The following ADK variants were observed in gnomAD, a reference collection of about 807,000 sequenced individuals.
ADK encodes the protein adenosine kinase, also known as N6,N6-dimethyladenosine kinase.
Under a neutral mutation model 44.7 loss-of-function variants are expected in ADK, and 24 were observed. That is an observed-to-expected ratio of 0.54 (90% CI 0.39 to 0.76). The LOEUF (loss-of-function observed/expected upper bound fraction) is 0.76. Among genes scored for constraint, ADK ranks in the 30% least tolerant of loss-of-function variants. The probability of loss-of-function intolerance (pLI) is 0.00; values close to 1 mark genes in which losing one functional copy is unlikely to be tolerated. For synonymous variants in ADK, 128 were observed against 142.6 expected (o/e 0.90, Z 0.73); for missense variants, 321 against 425.1 (o/e 0.76, Z 2.15).
At chr10:74,552,527 T>G (rs1053354853) in intron 7 of ADK, among the ~76,000 whole-genome samples, 1 of 152,046 alleles carries the variant, frequency 6.6e-6, no homozygotes, top group African/African-American at 2.4e-5. Flanking sequence ...TGTGGTGATG[T>G]TTGCACAAAA....
chr10:74,578,920 C>T (rs1448838846), intron 7 of ADK, among the ~76,000 whole-genome samples: 1 of 152,084 alleles, frequency 6.6e-6, no homozygotes, highest in Admixed American at 6.5e-5. Flanking sequence ...ATGGTGGCTA[C>T]ATCTTAGCCA....
intron 6 of ADK, among the ~76,000 whole-genome samples, chr10:74,493,964 A>T (rs571211432): frequency 6.6e-6 from 1 of 152,246 alleles, no homozygotes; most frequent in East Asian, 1.9e-4. Flanking sequence ...TATGATATGC[A>T]GTACTTTAAA....
chr10:74,310,067 G>A (rs1447727333), intron 3 of ADK, among the ~76,000 whole-genome samples: 1 of 151,812 alleles, frequency 6.6e-6, no homozygotes, highest in African/African-American at 2.4e-5. Flanking sequence ...AATTAATATA[G>A]TAGGCTTGTG....
intron 6 of ADK, among the ~76,000 whole-genome samples, chr10:74,480,185 T>G (rs1314789487): frequency 6.6e-6 from 1 of 151,600 alleles, no homozygotes; most frequent in Non-Finnish European, 1.5e-5. Context: ...TGTTTTGCTC[T>G]TGAAGTCTAA....
chr10:74,477,342 T>G (rs1846891089), intron 6 of ADK, among the ~76,000 whole-genome samples: 1 of 152,022 alleles, frequency 6.6e-6, no homozygotes, highest in Non-Finnish European at 1.5e-5. Flanking sequence ...GTAGCTGGGT[T>G]TACGGGTGCA....
chr10:74,392,601 C>T (rs1043284505), intron 4 of ADK, among the ~76,000 whole-genome samples: 1 of 151,888 alleles, frequency 6.6e-6, no homozygotes, highest in Middle Eastern at 3.4e-3. Context: ...CCTTTTCACT[C>T]TGTTGATTGC....
intron 3 of ADK, among the ~76,000 whole-genome samples, chr10:74,235,730 A>T (rs960984759): frequency 2.0e-5 from 3 of 152,122 alleles, no homozygotes; most frequent in Admixed American, 6.6e-5. Flanking sequence ...TCTTTCTGCT[A>T]TGGTTTGAAT....
chr10:74,333,977 CT>C (rs1251254414), intron 4 of ADK, among the ~76,000 whole-genome samples: 1 of 151,732 alleles, frequency 6.6e-6, no homozygotes, highest in African/African-American at 2.4e-5. Context: ...TCAAAAAATA[CT>C]TTTTTTCAAA....
intron 6 of ADK, among the ~76,000 whole-genome samples, chr10:74,501,980 A>C (rs1847900292): frequency 6.6e-6 from 1 of 152,060 alleles, no homozygotes; most frequent in Admixed American, 6.6e-5. Context: ...ATTTTACCTC[A>C]ATTTTTTAAA....
chr10:74,391,650 TATACACACACACACACACAC>T lies in ADK; in HGVS notation c.274-2489_274-2470del, dbSNP rs1168949176. On this transcript the variant is annotated intron_variant, in intron 4 of 10. Coordinates refer to ENST00000539909, the MANE Select transcript of ADK (RefSeq NM_006721.4). ...TGAATTCAGGAGTTCGAGGCAAGAA[TATACACACACACACACACAC>T]ACACACACACACACACACACACACA... Among the ~76,000 whole-genome samples, 22 of 134,734 alleles carry T rather than the reference TATACACACACACACACACAC, an allele frequency of 1.6e-4. No homozygotes were observed. The South Asian group carries it at 1.7e-3, about 10-fold the overall frequency. 88.4% of individuals were successfully genotyped at this position (134,734 alleles called of 152,430 possible). A position where few individuals can be genotyped will look rare whatever the true frequency, so the allele number is the denominator to read the frequency against.
At chr10:74,323,595 G>T (rs1840891975) in intron 4 of ADK, among the ~76,000 whole-genome samples, 1 of 150,182 alleles carries the variant, frequency 6.7e-6, no homozygotes, top group African/African-American at 2.4e-5. Context: ...TTTTGAGATG[G>T]AGTCTCGCAC....
At chr10:74,187,519 CTT>C (rs924268769) in intron 1 of ADK, among the ~76,000 whole-genome samples, 4 of 151,706 alleles carry the variant, frequency 2.6e-5, no homozygotes, top group East Asian at 2.0e-4. Flanking sequence ...CACACACACT[CTT>C]TCTCTCTCTC....
intron 7 of ADK, among the ~76,000 whole-genome samples, chr10:74,535,707 C>T (rs1460688612): frequency 6.6e-6 from 1 of 151,366 alleles, no homozygotes; most frequent in Non-Finnish European, 1.5e-5. Flanking sequence ...CTCAGCTTCC[C>T]GAGTAGCTGA....
intron 4 of ADK, among the ~76,000 whole-genome samples, chr10:74,353,653 G>T (rs1474274950): frequency 6.6e-6 from 1 of 151,226 alleles, no homozygotes; most frequent in Non-Finnish European, 1.5e-5. Context: ...TGGATCACAA[G>T]GTCAGGAGAT....
At chr10:74,597,305 C>T (rs962550969) in intron 8 of ADK, among the ~76,000 whole-genome samples, 1 of 152,056 alleles carries the variant, frequency 6.6e-6, no homozygotes, top group African/African-American at 2.4e-5. Context: ...TACAGAATTC[C>T]CACATACCCT....
intron 4 of ADK, among the ~76,000 whole-genome samples, chr10:74,315,874 C>T (rs1332923160): frequency 6.6e-6 from 1 of 152,084 alleles, no homozygotes; most frequent in Admixed American, 6.6e-5. Flanking sequence ...TTGTATTGGT[C>T]AATTGATTTG....
chr10:74,573,116 T>C (rs548022319), intron 7 of ADK, among the ~76,000 whole-genome samples: 4 of 152,228 alleles, frequency 2.6e-5, no homozygotes, highest in African/African-American at 9.6e-5. Flanking sequence ...GCTCTGTTTT[T>C]TCCCCATCTT....
intron 6 of ADK, among the ~76,000 whole-genome samples, chr10:74,466,942 C>A (rs1451302209): frequency 6.6e-6 from 1 of 151,988 alleles, no homozygotes; most frequent in Non-Finnish European, 1.5e-5. Flanking sequence ...AATTGCAGAT[C>A]TTTCCAAGAA....
At chr10:74,440,324 T>C (rs1270127075) in intron 6 of ADK, among the ~76,000 whole-genome samples, 1 of 152,132 alleles carries the variant, frequency 6.6e-6, no homozygotes, top group African/African-American at 2.4e-5. Flanking sequence ...GGTTAAATAA[T>C]TGGCTAAAAT....
Sources: allele counts gnomAD v4.1 joint callset (sites outside exome capture counted in the v4.1 genomes callset), GRCh38; gene constraint gnomAD v4.1.1; transcripts MANE v1.5; gene names NCBI Gene and HGNC (gene_info 2026-07-23, HGNC 2026-07-21).